DNAH7: variants seen among roughly 807,000 people sequenced by gnomAD.
The protein encoded by DNAH7 is axonemal beta dynein heavy chain 7.
In DNAH7, 397 loss-of-function variants were observed where a neutral mutation model predicts 444.6. The observed-to-expected ratio is 0.89, with a 90% CI of 0.82 to 0.97. DNAH7 has a LOEUF of 0.97. Among genes scored for constraint, DNAH7 ranks in the 50% least tolerant of loss-of-function variants. DNAH7 has a pLI of 0.00. For missense variants in DNAH7, 4,902 were observed against 4,800.8 expected (o/e 1.02, Z -0.62); for synonymous variants, 1,636 against 1,624.4 (o/e 1.01, Z -0.17).
At chr2:196,058,327 A>G (rs557865381) in intron 1 of DNAH7, among the ~76,000 whole-genome samples, 121 of 152,244 alleles carry the variant, frequency 7.9e-4, no homozygotes, top group Non-Finnish European at 1.5e-3. Flanking sequence ...GTATCCAGGT[A>G]GGTTGCAGGA....
At chr2:196,039,596 G>C (rs1286703712) in intron 5 of DNAH7, among the ~76,000 whole-genome samples, 1 of 152,080 alleles carries the variant, frequency 6.6e-6, no homozygotes, top group East Asian at 1.9e-4. Flanking sequence ...CCAGGAGTTA[G>C]AGACTAGCCT....
chr2:195,871,488 T>G (rs564922684), intron 40 of DNAH7, among the ~76,000 whole-genome samples: 1 of 152,206 alleles, frequency 6.6e-6, no homozygotes, highest in African/African-American at 2.4e-5. Context: ...CTCATCCACA[T>G]ACCTATTCCC....
intron 25 of DNAH7, among the ~76,000 whole-genome samples, chr2:195,908,501 C>T (rs755068214): frequency 9.9e-5 from 15 of 152,210 alleles, no homozygotes; most frequent in South Asian, 2.1e-4. Flanking sequence ...GATTTCTTAG[C>T]GCCCACTTAT....
At chr2:195,783,078 CCT>C (rs1407412093) in intron 58 of DNAH7, among the ~76,000 whole-genome samples, 2 of 152,144 alleles carry the variant, frequency 1.3e-5, no homozygotes, top group African/African-American at 2.4e-5. Context: ...GGTTCTATTC[CCT>C]GTCTGGATTA....
chr2:195,876,673 C>T lies in DNAH7; in HGVS notation c.5988G>A (p.Lys1996=). ...ITNFLLNQLN[K]EIYKPLLINF... ...TAATTAGCAGAGGTTTGTAGATTTCCTTATTTAGTTGATTTAAAAGAAAAT... is the reference window on the plus strand; with the variant it reads ...TAATTAGCAGAGGTTTGTAGATTTCTTTATTTAGTTGATTTAAAAGAAAAT... Residue 1996 remains lysine (K), a synonymous_variant, in exon 37 of 65, where the codon AAG becomes AAA. Coordinates refer to ENST00000312428, the MANE Select transcript of DNAH7 (RefSeq NM_018897.3). 1 of 1,601,016 alleles carries T rather than the reference C, an allele frequency of 6.2e-7. No homozygotes were observed. The highest frequency in any genetic ancestry group is 8.5e-7 in the Non-Finnish European group (1 of 1,171,100).
At position 195,960,267 on chromosome 2, in the gene DNAH7, G is replaced by T. The variant is rs1690995502; in HGVS notation, c.2884C>A (p.Gln962Lys). Reference sequence around the variant, plus strand: ...ATATAAATATCACTTTACCTCATTTGTTTTTCATAAGGCTTAATGAAAGGA... The same window carrying T: ...ATATAAATATCACTTTACCTCATTTTTTTTTCATAAGGCTTAATGAAAGGA... ...GSPFIKPYEK[Q>K]MREWEGKLLL... Residue 962 changes from glutamine (Q) to lysine (K), a missense_variant, in exon 18 of 65, where the codon CAA becomes AAA. Transcript: ENST00000312428. The T allele has an allele frequency of 6.2e-7, 1 of 1,601,610 alleles. No individual in the cohort carries two copies. Among genetic ancestry groups the T allele is most frequent in the Non-Finnish European group, 8.5e-7 (1 of 1,173,740 alleles).
chr2:195,792,726 C>CA (rs1210850381), intron 57 of DNAH7, among the ~76,000 whole-genome samples: 2 of 148,488 alleles, frequency 1.3e-5, no homozygotes, highest in African/African-American at 5.0e-5. Context: ...AAATTTACAC[C>CA]AAAAAAATGT....
rs562225350 is a variant in DNAH7, at chr2:195,883,970, G to A, written c.5763+615C>T. ...AAGCATGTTTACTGAAGAAACATTA[G>A]TGAAAGGGAAAGCTGTTCTCATTAA... On this transcript the variant is annotated intron_variant, in intron 35 of 64. Coordinates refer to ENST00000312428, the MANE Select transcript of DNAH7 (RefSeq NM_018897.3). Among the ~76,000 whole-genome samples, 180 of 152,328 alleles carry A rather than the reference G, an allele frequency of 1.2e-3. 2 individuals carry two copies. Among genetic ancestry groups the A allele is most frequent in the African/African-American group, 4.1e-3 (172 of 41,572 alleles).
chr2:196,044,731 T>A (rs1696993876), intron 5 of DNAH7, among the ~76,000 whole-genome samples: 4 of 152,250 alleles, frequency 2.6e-5, no homozygotes, highest in Admixed American at 1.3e-4. Context: ...TTGAGACCTT[T>A]ATAGACATGA....
chr2:195,737,825 T>C lies in DNAH7; in HGVS notation c.*96A>G. 8.8e-7 allele frequency: 1 copy of C among 1,139,022 alleles called. No homozygotes were observed. The highest frequency in any genetic ancestry group is 1.5e-5 in the South Asian group (1 of 64,650). 70.6% of individuals were successfully genotyped at this position (1,139,022 alleles called of 1,614,324 possible). On this transcript the variant is annotated 3_prime_UTR_variant, in exon 65 of 65. Coordinates refer to ENST00000312428, the MANE Select transcript of DNAH7 (RefSeq NM_018897.3). ...ATAATTATAACTTTAGTCAAATGTA[T>C]TTAAACAAACAAAAAAAAAGGTTTA...
intron 46 of DNAH7, among the ~76,000 whole-genome samples, chr2:195,847,065 TATATATATATATCTG>T (rs961755626): frequency 3.4e-5 from 5 of 147,448 alleles, no homozygotes; most frequent in Non-Finnish European, 6.0e-5. Context: ...CTCCCATATA[TATATATATATATCTG>T]ATATATATAT....
intron 47 of DNAH7, among the ~76,000 whole-genome samples, chr2:195,840,218 G>A (rs1031495415): frequency 2.6e-5 from 4 of 151,384 alleles, no homozygotes; most frequent in African/African-American, 7.3e-5. Context: ...AAATCAATCG[G>A]TACAATTACC....
chr2:195,960,330 C>T lies in DNAH7; in HGVS notation c.2821G>A (p.Asp941Asn). Residue 941 changes from aspartate (D) to asparagine (N), a missense_variant, in exon 18 of 65, where the codon GAT (aspartate) becomes AAT (asparagine). Transcript: ENST00000312428. ...ASVDEIQMLL[D>N]DHIIKTQTMR... ...GTTTGTGTTTTAATAATATGGTCAT[C>T]CAACAACATCTGAATTTCATCAACT... 6.2e-7 allele frequency: 1 copy of T among 1,613,828 alleles called. No individual in the cohort carries two copies. Among genetic ancestry groups the T allele is most frequent in the Non-Finnish European group, 8.5e-7 (1 of 1,179,986 alleles).
chr2:195,810,411 T>G (rs1467332070), intron 51 of DNAH7, among the ~76,000 whole-genome samples: 3 of 151,842 alleles, frequency 2.0e-5, no homozygotes, highest in Non-Finnish European at 2.9e-5. Context: ...CTTTTTATTA[T>G]TTATTTATTT....
chr2:195,795,026 G>C (rs1696068529), intron 56 of DNAH7, among the ~76,000 whole-genome samples: 2 of 152,152 alleles, frequency 1.3e-5, no homozygotes, highest in Admixed American at 6.5e-5. Context: ...CAATTCAACA[G>C]GTCATGAGAA....
chr2:195,852,931 G>A (rs1272061548), intron 46 of DNAH7, among the ~76,000 whole-genome samples: 1 of 150,344 alleles, frequency 6.7e-6, no homozygotes, highest in Non-Finnish European at 1.5e-5. Context: ...GAGAGAGAGA[G>A]AGAGAGAGAG....
chr2:195,744,145 G>T (rs554623256), intron 63 of DNAH7, among the ~76,000 whole-genome samples: 1 of 152,198 alleles, frequency 6.6e-6, no homozygotes, highest in Non-Finnish European at 1.5e-5. Context: ...CTGGAAAATC[G>T]GGTCACTCCC....
intron 5 of DNAH7, among the ~76,000 whole-genome samples, chr2:196,035,703 G>A (rs921610240): frequency 1.3e-5 from 2 of 152,132 alleles, no homozygotes; most frequent in East Asian, 1.9e-4. Flanking sequence ...AGGAAAGTAG[G>A]GCAGTAGGCC....
chr2:195,809,899 T>C lies in DNAH7; in HGVS notation c.9762-28A>G, dbSNP rs764440304. On this transcript the variant is annotated intron_variant, in intron 51 of 64. Transcript: ENST00000312428. ...AAGGGTCAACAGAAAATAAAGGAAATAAATAAAAATATACTTTAAAGATAA... is the reference window on the plus strand; with the variant it reads ...AAGGGTCAACAGAAAATAAAGGAAACAAATAAAAATATACTTTAAAGATAA... 7 of 1,464,708 alleles carry C rather than the reference T, an allele frequency of 4.8e-6. No homozygotes were observed. The African/African-American group carries it at 1.0e-4, about 21-fold the overall frequency. The allele number at this position is 1,464,708 out of a possible 1,614,324, so 90.7% of individuals were successfully genotyped here.
Sources: gnomAD v4.1 joint callset for allele counts (sites outside exome capture counted in the v4.1 genomes callset) on GRCh38, gnomAD v4.1.1 for gene constraint, MANE v1.5 for transcripts, NCBI Gene and HGNC (gene_info 2026-07-23, HGNC 2026-07-21) for gene names.